The following FRMD4B variants were observed in gnomAD, a reference collection of about 807,000 sequenced individuals.
FRMD4B encodes the protein FERM domain containing 4B.
FRMD4B carries 74 observed loss-of-function variants against 141.5 expected under a neutral mutation model. The observed-to-expected ratio is 0.52, with a 90% confidence interval of 0.43 to 0.63. The LOEUF (loss-of-function observed/expected upper bound fraction) is 0.63. Ranked by LOEUF, FRMD4B falls within the 30% of genes least tolerant of loss-of-function variation. The probability of loss-of-function intolerance (pLI) is 0.00; values close to 1 mark genes in which losing one functional copy is unlikely to be tolerated. For missense variants in FRMD4B, 1,366 were observed against 1,253.4 expected, an observed-to-expected ratio of 1.09 and a Z score of -1.36; for synonymous variants, 506 against 467.9, an observed-to-expected ratio of 1.08 and a Z score of -1.05.
chr3:69,527,082 G>A (rs1367115364), intron 1 of FRMD4B, among the ~76,000 whole-genome samples: 1 of 152,040 alleles, frequency 6.6e-6, no homozygotes, highest in Admixed American at 6.6e-5. Context: ...TGCTATTTGT[G>A]TCCTCCGTCC....
At chr3:69,225,724 AAAAAGAG>A (rs766010497) in intron 7 of FRMD4B, among the ~76,000 whole-genome samples, 3,398 of 76,888 alleles carry the variant, frequency 0.044, 719 homozygotes, top group African/African-American at 0.055. Flanking sequence ...AAAAAAAAAA[AAAAAGAG>A]GGAGAACACG....
intron 2 of FRMD4B, among the ~76,000 whole-genome samples, chr3:69,424,958 C>T (rs1344563675): frequency 6.6e-6 from 1 of 152,156 alleles, no homozygotes; most frequent in Non-Finnish European, 1.5e-5. Flanking sequence ...TGAACTATAA[C>T]AGCCTTTTAT....
At chr3:69,398,801 G>A (rs1366696222) in intron 2 of FRMD4B, among the ~76,000 whole-genome samples, 1 of 152,142 alleles carries the variant, frequency 6.6e-6, no homozygotes, top group African/African-American at 2.4e-5. Context: ...ATGCAACCAA[G>A]TAGCCATTCT....
rs1553652110 is a variant in FRMD4B, at chr3:69,540,636, A to AATAT, written c.-129+1566_-129+1569dup. Among the ~76,000 whole-genome samples the AATAT allele has an allele frequency of 4.1e-3, 285 of 69,506 alleles. 12 individuals carry two copies. The highest frequency in any genetic ancestry group is 4.7e-3 in the Non-Finnish European group (193 of 40,850). 45.6% of individuals were successfully genotyped at this position (69,506 alleles called of 152,430 possible). A position where few individuals can be genotyped will look rare whatever the true frequency, so the allele number is the denominator to read the frequency against. ...TCTAAAAAAAAAAAAAAAAAAAAAA[A>AATAT]ATATATATATATATATATATATATA... On this transcript the variant is annotated intron_variant, in intron 1 of 5. Transcript: ENST00000459638.
chr3:69,213,991 C>G (rs1176228034), intron 11 of FRMD4B, among the ~76,000 whole-genome samples: 1 of 151,998 alleles, frequency 6.6e-6, no homozygotes, highest in African/African-American at 2.4e-5. Context: ...TCAATAATTT[C>G]TAGTAAGAAG....
intron 1 of FRMD4B, among the ~76,000 whole-genome samples, chr3:69,499,749 A>G (rs1296377171): frequency 2.6e-5 from 4 of 152,200 alleles, no homozygotes; most frequent in Admixed American, 2.6e-4. Flanking sequence ...ATTCAGACTC[A>G]TCTGCTCCAA....
At chr3:69,493,645 T>G (rs1351441314) in intron 1 of FRMD4B, among the ~76,000 whole-genome samples, 1 of 152,170 alleles carries the variant, frequency 6.6e-6, no homozygotes, top group East Asian at 1.9e-4. Context: ...TTACAGCCTC[T>G]GTAATGAATT....
intron 1 of FRMD4B, among the ~76,000 whole-genome samples, chr3:69,534,096 T>C (rs567955775): frequency 5.9e-5 from 9 of 152,316 alleles, no homozygotes; most frequent in African/African-American, 2.2e-4. Flanking sequence ...CAGAATCTGA[T>C]CCCCAAGTGG....
At chr3:69,421,362 T>C (rs576024047) in intron 2 of FRMD4B, among the ~76,000 whole-genome samples, 2 of 152,330 alleles carry the variant, frequency 1.3e-5, no homozygotes, top group Admixed American at 1.3e-4. Context: ...GGATTGTACA[T>C]GCAAGTGCCA....
At chr3:69,330,100 T>C (rs2070458550) in intron 1 of FRMD4B, among the ~76,000 whole-genome samples, 1 of 151,994 alleles carries the variant, frequency 6.6e-6, no homozygotes, top group Non-Finnish European at 1.5e-5. Flanking sequence ...ATTTGTTTCA[T>C]TTCCTGGTGT....
chr3:69,486,410 T>A (rs4855314), intron 1 of FRMD4B, among the ~76,000 whole-genome samples: 93,566 of 151,940 alleles, frequency 0.62, 29,564 homozygotes, highest in African/African-American at 0.75. Context: ...CCATCGTATC[T>A]TTCTTATGCC....
intron 7 of FRMD4B, among the ~76,000 whole-genome samples, chr3:69,235,802 C>A (rs2093341928): frequency 6.6e-6 from 1 of 152,192 alleles, no homozygotes; most frequent in Non-Finnish European, 1.5e-5. Flanking sequence ...GTCCCTATTT[C>A]ATGGATATGA....
At chr3:69,297,101 G>A (rs1701058501) in intron 4 of FRMD4B, among the ~76,000 whole-genome samples, 1 of 152,112 alleles carries the variant, frequency 6.6e-6, no homozygotes, top group African/African-American at 2.4e-5. Context: ...ACTACAGTCT[G>A]TCTTTATGTG....
intron 2 of FRMD4B, among the ~76,000 whole-genome samples, chr3:69,311,712 T>C (rs17005611): frequency 0.033 from 4,957 of 152,276 alleles, 279 homozygotes; most frequent in African/African-American, 0.11. Context: ...AACACCTTGC[T>C]GCTTGGTTAT....
chr3:69,303,053 A>C (rs765868647), intron 3 of FRMD4B, among the ~76,000 whole-genome samples: 11 of 152,176 alleles, frequency 7.2e-5, no homozygotes, highest in Non-Finnish European at 1.6e-4. Context: ...CAGCCTGGGC[A>C]ACATCCCCTG....
At chr3:69,270,174 C>A (rs1463922616) in intron 5 of FRMD4B, among the ~76,000 whole-genome samples, 1 of 152,202 alleles carries the variant, frequency 6.6e-6, no homozygotes, top group East Asian at 1.9e-4. Context: ...TGTCACCAAA[C>A]CCAGCTCTCT....
chr3:69,246,035 C>T (rs2106750773), intron 7 of FRMD4B, among the ~76,000 whole-genome samples: 1 of 152,094 alleles, frequency 6.6e-6, no homozygotes, highest in South Asian at 2.1e-4. Context: ...CAGGGTTTCT[C>T]CATGTTGGCC....
chr3:69,338,228 G>T (rs986862207), intron 1 of FRMD4B, among the ~76,000 whole-genome samples: 5 of 152,142 alleles, frequency 3.3e-5, no homozygotes, highest in African/African-American at 9.7e-5. Context: ...AACTCCACGT[G>T]TTCTCATTCA....
intron 1 of FRMD4B, among the ~76,000 whole-genome samples, chr3:69,535,370 G>A (rs1158912127): frequency 6.6e-6 from 1 of 152,206 alleles, no homozygotes; most frequent in African/African-American, 2.4e-5. Flanking sequence ...CCACCTCATA[G>A]GGTGCGGTGA....
Sources: gnomAD v4.1 joint callset for allele counts (sites outside exome capture counted in the v4.1 genomes callset) on GRCh38, gnomAD v4.1.1 for gene constraint, MANE v1.5 for transcripts, NCBI Gene and HGNC (gene_info 2026-07-23, HGNC 2026-07-21) for gene names.